MAL2: variants seen among roughly 807,000 people sequenced by gnomAD.
MAL2 encodes protein MAL2.
A neutral mutation model predicts 18.1 loss-of-function variants in MAL2; 17 were observed. That is an observed-to-expected ratio of 0.94 (90% CI 0.64 to 1.41). The LOEUF (loss-of-function observed/expected upper bound fraction) is 1.41. Ranked by LOEUF, MAL2 falls within the 40% of genes most tolerant of loss-of-function variation. MAL2 has a pLI of 0.00. For synonymous variants in MAL2, 102 were observed against 102.3 expected, an observed-to-expected ratio of 1.00 and a Z score of 0.02; for missense variants, 222 against 231.9, an observed-to-expected ratio of 0.96 and a Z score of 0.28.
intron 2 of MAL2, among the ~76,000 whole-genome samples, chr8:119,234,714 G>T (rs535220344): frequency 1.2e-3 from 179 of 151,718 alleles, no homozygotes; most frequent in Middle Eastern, 3.4e-3. Context: ...CAATTCACAC[G>T]GCAGGGTATT....
chr8:119,241,354 C>G (rs1818043808), intron 3 of MAL2, among the ~76,000 whole-genome samples: 1 of 151,916 alleles, frequency 6.6e-6, no homozygotes, highest in African/African-American at 2.4e-5. Flanking sequence ...ATAGCAAAAC[C>G]TTGTCTCTGA....
chr8:119,230,712 AATG>A (rs1306496790), intron 2 of MAL2, among the ~76,000 whole-genome samples: 1 of 152,196 alleles, frequency 6.6e-6, no homozygotes, highest in Non-Finnish European at 1.5e-5. Context: ...ATGAGTGCCT[AATG>A]ATCTCAGACA....
At position 119,221,617 on chromosome 8, in the gene MAL2, G is replaced by A. The variant is rs757932910; in HGVS notation, c.163G>A (p.Ala55Thr). The change falls in exon 2 of 4, where the codon GCC becomes ACC. Residue 55 changes from alanine (A) to threonine (T), a missense_variant. Ala to Thr is a moderately conservative substitution (Grantham distance 58). Coordinates refer to ENST00000614891, the MANE Select transcript of MAL2 (RefSeq NM_052886.3). ...CGGGGGTCTTGTCTGGATTTTGGTT[G>A]CCTCCTCCAATGTTCCTCTACCTCT... ...LFGGLVWILV[A>T]SSNVPLPLLQ... 2.5e-6 allele frequency: 4 copies of A among 1,613,794 alleles called. No homozygotes were observed. The highest frequency in any genetic ancestry group is 2.5e-6 in the Non-Finnish European group (3 of 1,179,814).
intron 1 of MAL2, among the ~76,000 whole-genome samples, chr8:119,209,783 T>A (rs546116979): frequency 1.3e-5 from 2 of 152,242 alleles, no homozygotes; most frequent in South Asian, 4.1e-4. Flanking sequence ...AGAGGAGACG[T>A]GAGTGAGTTG....
intron 1 of MAL2, among the ~76,000 whole-genome samples, chr8:119,220,693 T>C (rs1040245843): frequency 2.0e-5 from 3 of 152,074 alleles, no homozygotes; most frequent in South Asian, 2.1e-4. Context: ...TACTCTCAGC[T>C]CCTGCCATGG....
intron 2 of MAL2, among the ~76,000 whole-genome samples, chr8:119,226,495 CTT>C (rs1817598256): frequency 9.0e-6 from 1 of 111,088 alleles, no homozygotes; most frequent in Non-Finnish European, 1.7e-5. Flanking sequence ...GATATAGTCA[CTT>C]GCGGGCGGGG....
chr8:119,216,695 T>G (rs1310172332), intron 1 of MAL2, among the ~76,000 whole-genome samples: 1 of 152,184 alleles, frequency 6.6e-6, no homozygotes. Context: ...GATAATAGAA[T>G]TAGAAGGAGG....
In MAL2 at chr8:119,243,548, C is replaced by T; in HGVS notation, c.*60C>T. The T allele has an allele frequency of 7.1e-7, 1 of 1,417,186 alleles. No homozygotes were observed. The highest frequency in any genetic ancestry group is 9.5e-7 in the Non-Finnish European group (1 of 1,047,824). 87.8% of individuals were successfully genotyped at this position (1,417,186 alleles called of 1,614,324 possible). A position where few individuals can be genotyped will look rare whatever the true frequency, so the allele number is the denominator to read the frequency against. On this transcript the variant is annotated 3_prime_UTR_variant, in exon 4 of 4. Coordinates refer to ENST00000614891, the MANE Select transcript of MAL2 (RefSeq NM_052886.3). ...CACTTGTCTACTTTATATGTCTGAT[C>T]AATTTGGATACCATTTTGTCCAGAT...
intron 2 of MAL2, among the ~76,000 whole-genome samples, chr8:119,227,977 T>C (rs1487202748): frequency 7.0e-6 from 1 of 143,582 alleles, no homozygotes; most frequent in East Asian, 2.1e-4. Flanking sequence ...CCACATCTGC[T>C]TCAGGCCAGT....
chr8:119,244,994 C>A lies in MAL2; in HGVS notation c.*1506C>A, dbSNP rs2129942007. On this transcript the variant is annotated 3_prime_UTR_variant, in exon 4 of 4. Coordinates refer to ENST00000614891, the MANE Select transcript of MAL2 (RefSeq NM_052886.3). The stretch of plus-strand genomic sequence containing the variant: ...AGTTGGGCTATTAGAGTTCATGGAA[C>A]ATAGAACAACCATGAATGAGTGGCA... The A allele has an allele frequency of 6.6e-6, 1 of 152,616 alleles. No individual in the cohort carries two copies. Among genetic ancestry groups the A allele is most frequent in the South Asian group, 2.1e-4 (1 of 4,828 alleles). 9.5% of individuals were successfully genotyped at this position (152,616 alleles called of 1,614,324 possible).
At chr8:119,220,866 GCTTA>G (rs1315343344) in intron 1 of MAL2, among the ~76,000 whole-genome samples, 3 of 152,260 alleles carry the variant, frequency 2.0e-5, no homozygotes, top group South Asian at 2.1e-4. Context: ...TTAATCGCTT[GCTTA>G]CTTGTCTCTT....
rs367576196 is a variant in MAL2 at position 119,211,100 on chromosome 8, A to AG, written c.132+2497dup. On this transcript the variant is annotated intron_variant, in intron 1 of 3. Transcript: ENST00000614891. ...ACTCATCTTGAGTGGATGTACAGAT[A>AG]GAAGCTAAGTGAACACTTTTGAAGC... Among the ~76,000 whole-genome samples the AG allele has an allele frequency of 3.6e-3, 541 of 152,352 alleles. 2 individuals carry two copies. Among genetic ancestry groups the AG allele is most frequent in the African/African-American group, 0.012 (501 of 41,586 alleles).
At chr8:119,243,242 G>T (rs1442702046) in intron 3 of MAL2, among the ~76,000 whole-genome samples, 175 bp from the exon 4 acceptor site, 1 of 148,324 alleles carries the variant, frequency 6.7e-6, no homozygotes, top group East Asian at 2.0e-4. Context: ...TTGTATGAGG[G>T]AATAAAACAG....
rs1014975985 is a variant in MAL2 at position 119,239,909 on chromosome 8, T to TA, written c.304-249dup. ...TACCCTAAAACTTAAAGTATAATAA[T>TA]AAAAAAATAAAATTACATATTATAA... On this transcript the variant is annotated intron_variant, in intron 2 of 3. Transcript: ENST00000614891. Among the ~76,000 whole-genome samples the TA allele has an allele frequency of 1.3e-5, 2 of 151,930 alleles. 1 individual carries two copies. Among genetic ancestry groups the TA allele is most frequent in the African/African-American group, 4.8e-5 (2 of 41,342 alleles).
At position 119,208,635 on chromosome 8, in the gene MAL2, C is replaced by T; in HGVS notation, c.132+31C>T. 7.8e-7 allele frequency: 1 copy of T among 1,284,750 alleles called. No individual in the cohort carries two copies. Among genetic ancestry groups the T allele is most frequent in the Non-Finnish European group, 9.9e-7 (1 of 1,014,380 alleles). The allele number at this position is 1,284,750 out of a possible 1,614,324, so 79.6% of individuals were successfully genotyped here. On this transcript the variant is annotated intron_variant, in intron 1 of 3. Coordinates refer to ENST00000614891, the MANE Select transcript of MAL2 (RefSeq NM_052886.3). The surrounding 1 kb of genome is among the most constrained non-coding windows in gnomAD (Gnocchi z 4.3). ...TGGGGCCGCCGGAGCGAGGGTCGCGCGGGGAGCGAGGACAGGCGGCGGCAT... is the reference window on the plus strand; with the variant it reads ...TGGGGCCGCCGGAGCGAGGGTCGCGTGGGGAGCGAGGACAGGCGGCGGCAT...
chr8:119,228,585 T>C (rs1817645273), intron 2 of MAL2, among the ~76,000 whole-genome samples: 1 of 152,122 alleles, frequency 6.6e-6, no homozygotes, highest in African/African-American at 2.4e-5. Flanking sequence ...CAGCAGCTTC[T>C]AGGTGGTGCA....
At chr8:119,211,106 T>C (rs1817261883) in intron 1 of MAL2, among the ~76,000 whole-genome samples, 1 of 152,236 alleles carries the variant, frequency 6.6e-6, no homozygotes, top group South Asian at 2.1e-4. Flanking sequence ...AGATAGAAGC[T>C]AAGTGAACAC....
At chr8:119,232,743 A>G (rs1434155674) in intron 2 of MAL2, among the ~76,000 whole-genome samples, 2 of 152,222 alleles carry the variant, frequency 1.3e-5, no homozygotes, top group Admixed American at 6.5e-5. Context: ...AAAAGATGTT[A>G]TTTAAATGCT....
rs1818126552 is a variant in MAL2 at position 119,245,136 on chromosome 8, T to C, written c.*1648T>C. 6.6e-6 allele frequency: 1 copy of C among 152,462 alleles called. No individual in the cohort carries two copies. Among genetic ancestry groups the C allele is most frequent in the Admixed American group, 6.6e-5 (1 of 15,244 alleles). 9.4% of individuals were successfully genotyped at this position (152,462 alleles called of 1,614,324 possible). A position where few individuals can be genotyped will look rare whatever the true frequency, so the allele number is the denominator to read the frequency against. On this transcript the variant is annotated 3_prime_UTR_variant, in exon 4 of 4. Coordinates refer to ENST00000614891, the MANE Select transcript of MAL2 (RefSeq NM_052886.3). ...AGAAGACATGAGGAAAAACAAAAGGTTTGAGGAAATCAGGCATATGACTTT... is the reference window on the plus strand; with the variant it reads ...AGAAGACATGAGGAAAAACAAAAGGCTTGAGGAAATCAGGCATATGACTTT...
Sources: gnomAD v4.1 joint callset for allele counts (sites outside exome capture counted in the v4.1 genomes callset) on GRCh38, gnomAD v4.1.1 for gene constraint, Gnocchi (gnomAD v3.1) non-coding constraint, MANE v1.5 for transcripts, NCBI Gene and HGNC (gene_info 2026-07-23, HGNC 2026-07-21) for gene names.